The following RASSF8 variants were observed in gnomAD, a reference collection of about 807,000 sequenced individuals.
RASSF8 encodes ras association domain-containing protein 8.
A neutral mutation model predicts 48.5 loss-of-function variants in RASSF8; 22 were observed. The observed-to-expected ratio is 0.45, with a 90% CI of 0.32 to 0.65. RASSF8 has a LOEUF of 0.65. Among genes scored for constraint, RASSF8 ranks in the 30% least tolerant of loss-of-function variants. RASSF8 has a pLI of 0.03. For missense variants in RASSF8, 418 were observed against 489.2 expected (o/e 0.85, Z 1.37); for synonymous variants, 127 against 171.5 (o/e 0.74, Z 2.03).
At chr12:25,986,694 G>A (rs1490875998) in intron 1 of RASSF8, among the ~76,000 whole-genome samples, 1 of 152,110 alleles carries the variant, frequency 6.6e-6, no homozygotes, top group Non-Finnish European at 1.5e-5. Flanking sequence ...CTCCTTCCAT[G>A]TGTTTCTTGT....
intron 2 of RASSF8, among the ~76,000 whole-genome samples, chr12:26,012,620 A>G (rs1942553387): frequency 6.6e-6 from 1 of 151,358 alleles, no homozygotes; most frequent in South Asian, 2.1e-4. Context: ...ATGTGGGCCT[A>G]TGATTAGTAT....
chr12:26,063,967 T>A (rs1943806187), intron 3 of RASSF8, among the ~76,000 whole-genome samples: 1 of 152,092 alleles, frequency 6.6e-6, no homozygotes, highest in Admixed American at 6.5e-5. Flanking sequence ...TGTGGCTGAG[T>A]CACAGTTCTC....
At chr12:26,009,513 C>T (rs73077176) in intron 2 of RASSF8, among the ~76,000 whole-genome samples, 18,811 of 152,132 alleles carry the variant, frequency 0.12, 1,549 homozygotes, top group Admixed American at 0.19. Context: ...AAATGACCCA[C>T]GTTGGTATTT....
intron 2 of RASSF8, among the ~76,000 whole-genome samples, chr12:25,999,848 A>T (rs1942214822): frequency 6.6e-6 from 1 of 152,256 alleles, no homozygotes; most frequent in Non-Finnish European, 1.5e-5. Context: ...CATTCATAGT[A>T]GCAACAAAAA....
intron 2 of RASSF8, among the ~76,000 whole-genome samples, chr12:26,051,194 A>G (rs1023922313): frequency 2.0e-5 from 3 of 152,196 alleles, no homozygotes; most frequent in South Asian, 2.1e-4. Context: ...AACTTGATGA[A>G]TTATGTTGTG....
chr12:26,066,577 A>T (rs1022551669), intron 4 of RASSF8, among the ~76,000 whole-genome samples: 2 of 152,194 alleles, frequency 1.3e-5, no homozygotes, highest in African/African-American at 2.4e-5. Flanking sequence ...TTTGACATTT[A>T]AAAAAAGGTA....
intron 2 of RASSF8, among the ~76,000 whole-genome samples, chr12:26,007,048 A>G (rs1378624271): frequency 6.6e-6 from 1 of 152,068 alleles, no homozygotes; most frequent in African/African-American, 2.4e-5. Context: ...GTGTGCAGAG[A>G]TCACATGGGG....
rs947254202 is a variant in RASSF8, at chr12:26,071,420, A to G, written c.*2602A>G. On this transcript the variant is annotated 3_prime_UTR_variant, in exon 6 of 6. Transcript: ENST00000689635. ...GTTTTGTGTTTTTTTTAAAAAAATCATATTGCAACTTGTTTTATTGTGATT... is the reference window on the plus strand; with the variant it reads ...GTTTTGTGTTTTTTTTAAAAAAATCGTATTGCAACTTGTTTTATTGTGATT... 4 of 938,444 alleles carry G rather than the reference A, an allele frequency of 4.3e-6. No individual in the cohort carries two copies. The highest frequency in any genetic ancestry group is 3.6e-5 in the African/African-American group (2 of 55,910). 58.1% of individuals were successfully genotyped at this position (938,444 alleles called of 1,614,324 possible). A position where few individuals can be genotyped will look rare whatever the true frequency, so the allele number is the denominator to read the frequency against.
Position 26,064,669 on chromosome 12 carries a change from G to T in RASSF8, c.275G>T (p.Ser92Ile). 6.2e-7 allele frequency: 1 copy of T among 1,614,088 alleles called. No homozygotes were observed. The highest frequency in any genetic ancestry group is 8.5e-7 in the Non-Finnish European group (1 of 1,179,988). ...PSLSERPTSD[S>I]VARIPERTLY... Reference sequence around the variant, plus strand: ...CTCAGTGAGCGACCCACTTCAGACAGTGTGGCTCGAATTCCTGAAAGAACT... The same window carrying T: ...CTCAGTGAGCGACCCACTTCAGACATTGTGGCTCGAATTCCTGAAAGAACT... Residue 92 changes from serine (S) to isoleucine (I), a missense_variant, in exon 4 of 6, where the codon AGT becomes ATT. Ser to Ile is a moderately radical substitution (Grantham distance 142). Coordinates refer to ENST00000689635, the MANE Select transcript of RASSF8 (RefSeq NM_001394098.1).
intron 1 of RASSF8, among the ~76,000 whole-genome samples, chr12:25,966,306 A>G (rs1377063474): frequency 6.6e-6 from 1 of 152,120 alleles, no homozygotes; most frequent in Non-Finnish European, 1.5e-5. Flanking sequence ...AGGCTGGAGT[A>G]CAGTAGTACA....
intron 2 of RASSF8, among the ~76,000 whole-genome samples, chr12:26,043,597 G>T (rs1451516987): frequency 6.6e-6 from 1 of 152,222 alleles, no homozygotes; most frequent in African/African-American, 2.4e-5. Context: ...GGCAATTGCA[G>T]CATGCAGCAG....
At chr12:26,058,650 A>G (rs1284653698) in intron 3 of RASSF8, among the ~76,000 whole-genome samples, 1 of 152,234 alleles carries the variant, frequency 6.6e-6, no homozygotes. Context: ...AAAATGACTT[A>G]CTATGAAAAT....
chr12:26,003,320 G>C (rs1942306303), intron 2 of RASSF8, among the ~76,000 whole-genome samples: 1 of 152,160 alleles, frequency 6.6e-6, no homozygotes, highest in Admixed American at 6.5e-5. Flanking sequence ...GATCATAATG[G>C]ATTATCTTTT....
At chr12:26,058,171 A>G (rs1732484104) in intron 3 of RASSF8, among the ~76,000 whole-genome samples, 1 of 152,306 alleles carries the variant, frequency 6.6e-6, no homozygotes, top group South Asian at 2.1e-4. Flanking sequence ...GACAACTTCA[A>G]TACAAATGTT....
chr12:26,057,100 TTGTGTG>T (rs57510363), intron 3 of RASSF8, among the ~76,000 whole-genome samples: 8 of 128,840 alleles, frequency 6.2e-5, no homozygotes, highest in African/African-American at 1.5e-4. Flanking sequence ...AATGACACTT[TTGTGTG>T]TGTGTGTGTG....
In RASSF8 at chr12:26,072,861, A is replaced by AT. The variant is rs1323456497; in HGVS notation, c.*4045dup. 2.2e-6 allele frequency: 2 copies of AT among 898,688 alleles called. No homozygotes were observed. The highest frequency in any genetic ancestry group is 1.8e-5 in the African/African-American group (1 of 55,180). The allele number at this position is 898,688 out of a possible 1,614,324, so 55.7% of individuals were successfully genotyped here. On this transcript the variant is annotated 3_prime_UTR_variant, in exon 6 of 6. Transcript: ENST00000689635. Reference sequence around the variant, plus strand: ...CCCAAATAATAAATTTTCAGGATTCATTGGGGCATTACAGTTGTCAGTTTG... The same window carrying AT: ...CCCAAATAATAAATTTTCAGGATTCATTTGGGGCATTACAGTTGTCAGTTTG...
chr12:26,078,923 A>G, intron 5 of RASSF8: 1 of 1,047,968 alleles, frequency 9.5e-7, no homozygotes. Flanking sequence ...AACCGAAAAG[A>G]CAAAGACCCA....
At chr12:25,993,426 G>A (rs967699393) in intron 1 of RASSF8, among the ~76,000 whole-genome samples, 5 of 152,166 alleles carry the variant, frequency 3.3e-5, no homozygotes, top group Non-Finnish European at 5.9e-5. Context: ...CAACTAAAAA[G>A]AGAGATGAGA....
intron 1 of RASSF8, among the ~76,000 whole-genome samples, chr12:25,974,308 A>T (rs1941553552): frequency 6.6e-6 from 1 of 152,210 alleles, no homozygotes; most frequent in Admixed American, 6.5e-5. Context: ...GAGAAGTGCC[A>T]CAGCTAATCT....
Sources: allele counts gnomAD v4.1 joint callset (sites outside exome capture counted in the v4.1 genomes callset), GRCh38; gene constraint gnomAD v4.1.1; transcripts MANE v1.5; gene names NCBI Gene and HGNC (gene_info 2026-07-23, HGNC 2026-07-21).